Variants in KIF27 observed in about 807,000 individuals in gnomAD.
KIF27 encodes kinesin family member 27.
KIF27 carries 84 observed loss-of-function variants against 141.8 expected under a neutral mutation model. The observed-to-expected ratio is 0.59, with a 90% CI of 0.50 to 0.71. The LOEUF (loss-of-function observed/expected upper bound fraction) is 0.71. Ranked by LOEUF, KIF27 falls within the 30% of genes least tolerant of loss-of-function variation. The probability of loss-of-function intolerance (pLI) is 0.00; values close to 1 mark genes in which losing one functional copy is unlikely to be tolerated. For synonymous variants in KIF27, 471 were observed against 569.5 expected, an observed-to-expected ratio of 0.83 and a Z score of 2.46; for missense variants, 1,306 against 1,628.4, an observed-to-expected ratio of 0.80 and a Z score of 3.41.
At position 83,848,555 on chromosome 9, in the gene KIF27, T is replaced by TATCTATATATAG. The variant is rs1399813059; in HGVS notation, c.3556+1532_3556+1543dup. On this transcript the variant is annotated intron_variant, in intron 16 of 17. Transcript: ENST00000297814. ...ATATCTATGTATATACATATATCTA[T>TATCTATATATAG]ATCTATATATAGATCTATATATATC... 49 of 146,208 alleles carry TATCTATATATAG rather than the reference T, an allele frequency of 3.4e-4. 1 individual carries two copies. The East Asian group carries it at 7.9e-3, about 24-fold the overall frequency. 9.1% of individuals were successfully genotyped at this position (146,208 alleles called of 1,614,324 possible). A position where few individuals can be genotyped will look rare whatever the true frequency, so the allele number is the denominator to read the frequency against.
At chr9:83,909,111 T>C (rs1487760836) in intron 2 of KIF27, among the ~76,000 whole-genome samples, 4 of 152,056 alleles carry the variant, frequency 2.6e-5, no homozygotes, top group Non-Finnish European at 4.4e-5. Context: ...CCTTCCCTGG[T>C]GAGATTCTGC....
At chr9:83,910,741 C>G (rs1476142510) in intron 2 of KIF27, among the ~76,000 whole-genome samples, 2 of 152,218 alleles carry the variant, frequency 1.3e-5, no homozygotes, top group Non-Finnish European at 2.9e-5. Flanking sequence ...AACCAGAACA[C>G]AGACCGGTAC....
chr9:83,871,118 A>G (rs61490202), intron 11 of KIF27, among the ~76,000 whole-genome samples: 24,080 of 151,726 alleles, frequency 0.16, 2,131 homozygotes, highest in African/African-American at 0.23. Context: ...GTCTTGTTAC[A>G]TTGCCCAGGC....
intron 2 of KIF27, among the ~76,000 whole-genome samples, chr9:83,914,455 T>C: frequency 6.6e-6 from 1 of 152,168 alleles, no homozygotes; most frequent in East Asian, 1.9e-4. Flanking sequence ...CATCCATGCA[T>C]TTAATGAGAG....
intron 13 of KIF27, among the ~76,000 whole-genome samples, chr9:83,865,921 T>C (rs901216622): frequency 6.6e-6 from 1 of 152,192 alleles, no homozygotes; most frequent in African/African-American, 2.4e-5. Context: ...TCTTTTTAGA[T>C]GTTTCAGAAA....
rs375404804 is a variant in KIF27, at chr9:83,888,478, G to C, written c.2083+11C>G. ...CCATTAGGTCTACATTATTTAAGAA[G>C]ATCTATGTACCTTCATTCTCCAAAT... On this transcript the variant is annotated intron_variant, in intron 8 of 17. Coordinates refer to ENST00000297814, the MANE Select transcript of KIF27 (RefSeq NM_017576.4). The C allele has an allele frequency of 4.5e-6, 6 of 1,342,426 alleles. No homozygotes were observed. In the African/African-American group the frequency reaches 8.9e-5, roughly 20 times the overall value. The allele number at this position is 1,342,426 out of a possible 1,614,324, so 83.2% of individuals were successfully genotyped here.
At chr9:83,839,293 A>G (rs377090635) in intron 17 of KIF27, among the ~76,000 whole-genome samples, 4 of 152,218 alleles carry the variant, frequency 2.6e-5, no homozygotes, top group African/African-American at 7.2e-5. Flanking sequence ...GATTCTTCAC[A>G]AGAAAGTTTC....
At chr9:83,921,261 G>A (rs534284712) in intron 1 of KIF27, 110 bp downstream of exon 1, 118 of 152,168 alleles carry the variant, frequency 7.8e-4, no homozygotes, top group African/African-American at 2.7e-3. Flanking sequence ...TAGTCCCAAC[G>A]GCCGGCTGGG....
In KIF27 at chr9:83,835,321, C is replaced by T. The variant is rs1253850602; in HGVS notation, c.*1680G>A. ...ATAAAAATGGAAGACTAGCTGGAAA[C>T]CAGAATCTGACTTCAAACAGTTCCT... On this transcript the variant is annotated 3_prime_UTR_variant, in exon 18 of 18. Transcript: ENST00000297814. 6.6e-6 allele frequency among the ~76,000 whole-genome samples: 1 copy of T among 151,618 alleles called. No homozygotes were observed. The highest frequency in any genetic ancestry group is 1.5e-5 in the Non-Finnish European group (1 of 67,894).
intron 6 of KIF27, among the ~76,000 whole-genome samples, chr9:83,889,749 A>G (rs955985687): frequency 6.6e-6 from 1 of 152,012 alleles, no homozygotes; most frequent in Non-Finnish European, 1.5e-5. Context: ...TGAATACCAC[A>G]ATGTATATAC....
chr9:83,843,930 C>T (rs561601687), intron 16 of KIF27, among the ~76,000 whole-genome samples: 6 of 152,158 alleles, frequency 3.9e-5, no homozygotes, highest in Non-Finnish European at 5.9e-5. Flanking sequence ...ATGGTTACTA[C>T]TGAGTGTCAA....
At chr9:83,864,596 A>G (rs1004067707) in intron 13 of KIF27, among the ~76,000 whole-genome samples, 3 of 152,180 alleles carry the variant, frequency 2.0e-5, no homozygotes, top group African/African-American at 7.2e-5. Flanking sequence ...ACTTCCAACT[A>G]TGTGGTCAAT....
At chr9:83,900,890 A>G (rs973612584) in intron 4 of KIF27, among the ~76,000 whole-genome samples, 3 of 151,932 alleles carry the variant, frequency 2.0e-5, no homozygotes, top group Non-Finnish European at 4.4e-5. Context: ...CTTTCAGAAA[A>G]AAAAAAAATA....
intron 16 of KIF27, among the ~76,000 whole-genome samples, chr9:83,848,182 TATG>T (rs1289699325): frequency 2.4e-5 from 1 of 40,858 alleles, no homozygotes; most frequent in African/African-American, 1.8e-4. Context: ...ATATATCATA[TATG>T]ATATATATGA....
At position 83,899,647 on chromosome 9, in the gene KIF27, C is replaced by A. The variant is rs367802777; in HGVS notation, c.1602+14G>T. 12 of 1,610,136 alleles carry A rather than the reference C, an allele frequency of 7.5e-6. No homozygotes were observed. Among genetic ancestry groups the A allele is most frequent in the Non-Finnish European group, 8.5e-6 (10 of 1,176,944 alleles). On this transcript the variant is annotated intron_variant, in intron 5 of 17. Coordinates refer to ENST00000297814, the MANE Select transcript of KIF27 (RefSeq NM_017576.4). The stretch of plus-strand genomic sequence containing the variant: ...TCAAGAAAATCTACAGAGCTAGATG[C>A]ATTAAGAAACTACCTGCAGTCTATT...
intron 11 of KIF27, among the ~76,000 whole-genome samples, chr9:83,872,604 G>A (rs1236079461): frequency 6.6e-6 from 1 of 152,160 alleles, no homozygotes; most frequent in Admixed American, 6.5e-5. Flanking sequence ...ACTAATTCAT[G>A]TTTTATAAAA....
chr9:83,911,209 G>A (rs527389863), intron 2 of KIF27, among the ~76,000 whole-genome samples: 2 of 152,234 alleles, frequency 1.3e-5, no homozygotes, highest in South Asian at 2.1e-4. Flanking sequence ...TGGGACTACA[G>A]GCATGTGCCA....
Position 83,898,135 on chromosome 9 carries a change from T to A in KIF27, c.1602+1526A>T, listed in dbSNP as rs62563545. ...TATGTGCATGTGCACCGAGAGACAC[T>A]GAAAATTCACGAGAAAATTTCACAG... On this transcript the variant is annotated intron_variant, in intron 5 of 17. Coordinates refer to ENST00000297814, the MANE Select transcript of KIF27 (RefSeq NM_017576.4). Among the ~76,000 whole-genome samples the A allele has an allele frequency of 6.1e-3, 920 of 151,608 alleles. 10 individuals are homozygous for A. The highest frequency in any genetic ancestry group is 0.021 in the African/African-American group (873 of 41,360).
Position 83,903,335 on chromosome 9 carries a change from G to A in KIF27, c.1183C>T (p.His395Tyr). The part of the protein sequence containing the change: ...REGSPDTNRI[H>Y]SLEEQVAQLQ... ...TGAGCTACTTGCTCCTCAAGAGAATGAATCCTATTTGTATCAGGACTCCCT... is the reference window on the plus strand; with the variant it reads ...TGAGCTACTTGCTCCTCAAGAGAATAAATCCTATTTGTATCAGGACTCCCT... The change falls in exon 4 of 18, where the codon CAT becomes TAT. Residue 395 changes from histidine to tyrosine, a missense_variant. This residue lies in a region of KIF27 where 533 missense variants were observed against 565.6 expected (regional missense o/e 0.94). Transcript: ENST00000297814. The A allele has an allele frequency of 6.2e-7, 1 of 1,614,182 alleles. No homozygotes were observed. Among genetic ancestry groups the A allele is most frequent in the Non-Finnish European group, 8.5e-7 (1 of 1,180,038 alleles).
Sources: gnomAD v4.1 joint callset for allele counts (sites outside exome capture counted in the v4.1 genomes callset) on GRCh38, gnomAD v4.1.1 for gene constraint, gnomAD v4.1.1 regional missense constraint, MANE v1.5 for transcripts, NCBI Gene and HGNC (gene_info 2026-07-23, HGNC 2026-07-21) for gene names.